TDRD5: variants seen among roughly 807,000 people sequenced by gnomAD.
TDRD5 encodes the protein tudor domain containing 5, also known as tudor domain-containing protein 5.
TDRD5 carries 41 observed loss-of-function variants against 120.6 expected under a neutral mutation model. The ratio of observed to expected loss-of-function variants is 0.34; its 90% CI spans 0.26 to 0.44. The LOEUF (loss-of-function observed/expected upper bound fraction) is 0.44. Among genes scored for constraint, TDRD5 ranks in the 20% least tolerant of loss-of-function variants. TDRD5 has a pLI of 1.00. For synonymous variants in TDRD5, 430 were observed against 433.7 expected, an observed-to-expected ratio of 0.99 and a Z score of 0.11; for missense variants, 1,006 against 1,221.2, an observed-to-expected ratio of 0.82 and a Z score of 2.63.
Position 179,639,872 on chromosome 1 carries a change from A to G in TDRD5, c.1554A>G (p.Arg518=), listed in dbSNP as rs1359968967. ...ATTCTAATCAGCTGGTTTCTGATCG[A>G]TATGTCATGCCAGAATGTTTTATTC... ...RCYSNQLVSD[R]YVMPECFIQP... is the part of the protein sequence containing the mutation. The change falls in exon 10 of 18, where the codon CGA becomes CGG. Residue 518 remains arginine (R), a synonymous_variant. Coordinates refer to ENST00000444136, the MANE Select transcript of TDRD5 (RefSeq NM_001199085.3). 5.0e-6 allele frequency: 8 copies of G among 1,613,940 alleles called. No homozygotes were observed. Among genetic ancestry groups the G allele is most frequent in the Non-Finnish European group, 6.8e-6 (8 of 1,180,010 alleles).
chr1:179,659,406 A>AT (rs1401891770), intron 14 of TDRD5, among the ~76,000 whole-genome samples: 1 of 151,960 alleles, frequency 6.6e-6, no homozygotes, highest in Admixed American at 6.6e-5. Flanking sequence ...TTGAAGCTCT[A>AT]TTGTTAGGTG....
intron 12 of TDRD5, 74 bp downstream of exon 12, chr1:179,651,141 AAAG>A (rs1678690275): frequency 3.3e-6 from 5 of 1,494,992 alleles, no homozygotes; most frequent in African/African-American, 1.4e-5. Flanking sequence ...ATAATTTAAT[AAAG>A]AAGTTTATTT....
At chr1:179,614,856 CA>C (rs2101956001) in intron 4 of TDRD5, among the ~76,000 whole-genome samples, 1 of 152,226 alleles carries the variant, frequency 6.6e-6, no homozygotes, top group East Asian at 1.9e-4. Flanking sequence ...AGCTGTTTGA[CA>C]TGTATTACCT....
At position 179,593,669 on chromosome 1, in the gene TDRD5, GTTC is replaced by G. The variant is rs1353389702; in HGVS notation, c.448_450del (p.Leu150del). 1.2e-6 allele frequency: 2 copies of G among 1,614,208 alleles called. No individual in the cohort carries two copies. The highest frequency in any genetic ancestry group is 2.2e-5 in the East Asian group (1 of 44,888). On this transcript the variant is annotated inframe_deletion, in exon 3 of 18. Transcript: ENST00000444136. ...GAAGGACCTGTTGGCGTTATCTCCT[GTTC>G]TTCTTTCTGATTTTGAAAAGGCATT...
Position 179,669,356 on chromosome 1 carries a change from T to A in TDRD5, c.2812T>A (p.Cys938Ser), listed in dbSNP as rs1025959701. ...KQIQLSTAAP[C>S]STTAVDDSAE... ...AATTCAGCTTTCCACAGCAGCACCCTGTTCAACAACTGCAGTGGATGATTC... is the reference window on the plus strand; with the variant it reads ...AATTCAGCTTTCCACAGCAGCACCCAGTTCAACAACTGCAGTGGATGATTC... The change falls in exon 17 of 18, where the codon TGT (cysteine) becomes AGT (serine). Residue 938 changes from cysteine (C) to serine (S), a missense_variant. By Grantham distance (112) the Cys-to-Ser change is moderately radical. Transcript: ENST00000444136. The A allele has an allele frequency of 6.2e-7, 1 of 1,614,098 alleles. No individual in the cohort carries two copies. The highest frequency in any genetic ancestry group is 1.7e-5 in the Admixed American group (1 of 60,006).
chr1:179,595,908 T>TA (rs1266742795), intron 4 of TDRD5, 90 bp downstream of exon 4: 2 of 1,299,852 alleles, frequency 1.5e-6, no homozygotes, highest in Non-Finnish European at 2.0e-6. Flanking sequence ...GTTGACCTTT[T>TA]AAAAACTGAA....
intron 4 of TDRD5, among the ~76,000 whole-genome samples, chr1:179,606,529 G>A (rs1259484923): frequency 1.3e-5 from 2 of 151,994 alleles, no homozygotes; most frequent in Admixed American, 6.6e-5. Flanking sequence ...GTCAGCTAGT[G>A]TTATCTTATG....
intron 3 of TDRD5, 142 bp from the exon 4 acceptor site, chr1:179,595,485 TA>T: frequency 3.1e-6 from 2 of 654,212 alleles, no homozygotes; most frequent in Middle Eastern, 3.9e-4. Flanking sequence ...TGGCTTGATG[TA>T]AAAATGTCAG....
At chr1:179,640,920 G>T (rs1215431256) in intron 11 of TDRD5, among the ~76,000 whole-genome samples, 1 of 152,168 alleles carries the variant, frequency 6.6e-6, no homozygotes, top group Non-Finnish European at 1.5e-5. Flanking sequence ...ACTGAACATT[G>T]TCGTCCTTTA....
intron 4 of TDRD5, among the ~76,000 whole-genome samples, chr1:179,596,661 C>G (rs980129053): frequency 1.3e-5 from 2 of 152,150 alleles, no homozygotes; most frequent in African/African-American, 4.8e-5. Context: ...GTTCCTTTTT[C>G]TTGTTTAGTG....
At position 179,592,791 on chromosome 1, in the gene TDRD5, A is replaced by T; in HGVS notation, c.176A>T (p.Asp59Val). Residue 59 changes from aspartate to valine, a missense_variant, in exon 2 of 18, where the codon GAC (aspartate) becomes GTC (valine). By Grantham distance (152) the Asp-to-Val change is radical (BLOSUM62 -3). This residue lies in a region of TDRD5 where 445 missense variants were observed against 515.5 expected (regional missense o/e 0.86). Coordinates refer to ENST00000444136, the MANE Select transcript of TDRD5 (RefSeq NM_001199085.3). ...GYRSTMELVLDMPDVVRVCPG... is the reference protein window; with the variant it reads ...GYRSTMELVLVMPDVVRVCPG... ...CGGTCCACTATGGAGCTGGTATTGG[A>T]CATGCCTGATGTTGTTCGTGTCTGC... 1 of 1,614,194 alleles carries T rather than the reference A, an allele frequency of 6.2e-7. No homozygotes were observed. Among genetic ancestry groups the T allele is most frequent in the African/African-American group, 1.3e-5 (1 of 75,032 alleles).
intron 6 of TDRD5, among the ~76,000 whole-genome samples, chr1:179,623,017 A>C (rs1676918852): frequency 1.3e-5 from 2 of 152,216 alleles, no homozygotes; most frequent in Admixed American, 6.5e-5. Flanking sequence ...AACACACTTC[A>C]TACAGGAGAA....
intron 14 of TDRD5, among the ~76,000 whole-genome samples, chr1:179,659,000 T>A (rs541539246): frequency 6.6e-6 from 1 of 152,226 alleles, no homozygotes; most frequent in South Asian, 2.1e-4. Flanking sequence ...TTTGAGATAT[T>A]ATCTTTCACC....
rs74367719 is a variant in TDRD5 at position 179,652,029 on chromosome 1, T to G, written c.2002-10T>G. The G allele has an allele frequency of 7.3e-3, 11,818 of 1,608,492 alleles. 606 individuals carry two copies. The African/African-American group carries it at 0.13, about 17-fold the overall frequency. On this transcript the variant is annotated splice_polypyrimidine_tract_variant and intron_variant, in intron 12 of 17. Transcript: ENST00000444136. The stretch of plus-strand genomic sequence containing the variant: ...AAATTAAACCATCCCTTTTCTTTTT[T>G]TAATCTTAGGGTTTCAGTGAGCTCA...
chr1:179,644,609 A>AT (rs1380214319), intron 11 of TDRD5, among the ~76,000 whole-genome samples: 1 of 152,056 alleles, frequency 6.6e-6, no homozygotes, highest in Non-Finnish European at 1.5e-5. Flanking sequence ...CCTTCTTGAC[A>AT]TTTTTGATGT....
At chr1:179,603,158 C>A (rs1304301431) in intron 4 of TDRD5, among the ~76,000 whole-genome samples, 1 of 151,968 alleles carries the variant, frequency 6.6e-6, no homozygotes, top group Non-Finnish European at 1.5e-5. Context: ...GGGTTGAGTT[C>A]TTGATTTGAC....
At chr1:179,688,766 A>G (rs987147597) in intron 17 of TDRD5, among the ~76,000 whole-genome samples, 5 of 150,904 alleles carry the variant, frequency 3.3e-5, no homozygotes, top group African/African-American at 4.9e-5. Flanking sequence ...TTTTCTCTAA[A>G]CTTCTCTTCT....
intron 4 of TDRD5, among the ~76,000 whole-genome samples, chr1:179,603,706 C>G (rs1675832003): frequency 6.6e-6 from 1 of 152,112 alleles, no homozygotes; most frequent in Non-Finnish European, 1.5e-5. Flanking sequence ...TAAACCATCC[C>G]TGCCTCCCTG....
chr1:179,633,103 T>C (rs1446828204), intron 7 of TDRD5, among the ~76,000 whole-genome samples: 1 of 152,246 alleles, frequency 6.6e-6, no homozygotes, highest in Non-Finnish European at 1.5e-5. Flanking sequence ...ATCTGTATTA[T>C]GCAAATCCTC....
Sources: allele counts gnomAD v4.1 joint callset (sites outside exome capture counted in the v4.1 genomes callset), GRCh38; gene constraint gnomAD v4.1.1; regional missense constraint gnomAD v4.1.1; transcripts MANE v1.5; gene names NCBI Gene and HGNC (gene_info 2026-07-23, HGNC 2026-07-21).